The following KAT6B variants were observed in gnomAD, a reference collection of about 807,000 sequenced individuals.
KAT6B encodes lysine acetyltransferase 6B, also known as histone acetyltransferase KAT6B.
KAT6B carries 10 observed loss-of-function variants against 187.5 expected under a neutral mutation model. The ratio of observed to expected loss-of-function variants is 0.05; its 90% confidence interval spans 0.03 to 0.09. The LOEUF is 0.09. Ranked by LOEUF, KAT6B falls within the 10% of genes least tolerant of loss-of-function variation. KAT6B has a pLI of 1.00. For synonymous variants in KAT6B, 861 were observed against 926.8 expected, an observed-to-expected ratio of 0.93 and a Z score of 1.29; for missense variants, 1,952 against 2,558.9, an observed-to-expected ratio of 0.76 and a Z score of 5.12.
In KAT6B at chr10:74,924,377, T is replaced by A. The variant is rs192455132; in HGVS notation, c.622-35593T>A. On this transcript the variant is annotated intron_variant, in intron 3 of 17. Transcript: ENST00000287239. ...AAAATTCCTTCATAAGCAGTTGGCT[T>A]CCAAATAGCAATGCATGCTGTCAGT... Among the ~76,000 whole-genome samples the A allele has an allele frequency of 8.5e-5, 13 of 152,252 alleles. No individual in the cohort carries two copies. The East Asian group carries it at 2.5e-3, about 29-fold the overall frequency.
rs548891234 is a variant in KAT6B at position 74,974,918 on chromosome 10, ACT to A, written c.1062-478_1062-477del. On this transcript the variant is annotated intron_variant, in intron 7 of 17. Coordinates refer to ENST00000287239, the MANE Select transcript of KAT6B (RefSeq NM_012330.4). Reference sequence around the variant, plus strand: ...AGTACAAATTTATAGCCATATCCAAACTCTATTTATATAAGTTTGCAAATTGA... The same window carrying A: ...AGTACAAATTTATAGCCATATCCAAACTATTTATATAAGTTTGCAAATTGA... Among the ~76,000 whole-genome samples, 17 of 152,180 alleles carry A rather than the reference ACT, an allele frequency of 1.1e-4. No homozygotes were observed. The East Asian group carries it at 3.1e-3, about 28-fold the overall frequency.
intron 2 of KAT6B, among the ~76,000 whole-genome samples, chr10:74,842,335 A>G (rs922990462): frequency 2.0e-5 from 3 of 152,222 alleles, no homozygotes; most frequent in Admixed American, 1.3e-4. Context: ...TTCAATAAAT[A>G]TAATTAAATG....
chr10:74,892,497 C>A (rs539161115), intron 3 of KAT6B, among the ~76,000 whole-genome samples: 16 of 152,302 alleles, frequency 1.1e-4, no homozygotes, highest in Admixed American at 8.5e-4. Context: ...TTGTACATTT[C>A]GCACTGATAC....
At chr10:74,963,984 T>C (rs1052441625) in intron 4 of KAT6B, among the ~76,000 whole-genome samples, 4 of 151,150 alleles carry the variant, frequency 2.6e-5, no homozygotes, top group Admixed American at 6.6e-5. Context: ...AAAAAAAAAT[T>C]AGCCGGGCAT....
At chr10:74,957,237 C>T (rs747281355) in intron 3 of KAT6B, among the ~76,000 whole-genome samples, 13 of 152,128 alleles carry the variant, frequency 8.5e-5, no homozygotes, top group South Asian at 2.1e-4. Context: ...CTTGGCTACA[C>T]GGAGGTTAGC....
intron 3 of KAT6B, among the ~76,000 whole-genome samples, chr10:74,855,496 C>G (rs1159904536): frequency 6.6e-6 from 1 of 152,212 alleles, no homozygotes; most frequent in African/African-American, 2.4e-5. Context: ...ATTTGACCAA[C>G]TTGTTTTCAA....
chr10:74,894,880 G>A (rs1398067843), intron 3 of KAT6B, among the ~76,000 whole-genome samples: 1 of 152,008 alleles, frequency 6.6e-6, no homozygotes, highest in African/African-American at 2.4e-5. Flanking sequence ...GTGAACATGG[G>A]TAAGCAAAAA....
chr10:74,996,930 T>C (rs1396471694), intron 13 of KAT6B, among the ~76,000 whole-genome samples: 1 of 152,126 alleles, frequency 6.6e-6, no homozygotes, highest in Non-Finnish European at 1.5e-5. Context: ...AAAGTATTAA[T>C]ATTTAAAGCA....
At chr10:74,927,670 C>G (rs16931846) in intron 3 of KAT6B, among the ~76,000 whole-genome samples, 4,889 of 152,164 alleles carry the variant, frequency 0.032, 202 homozygotes, top group East Asian at 0.17. Context: ...AGGTTTCTCT[C>G]TCATGCTAGC....
chr10:74,859,728 C>G (rs564011636), intron 3 of KAT6B, among the ~76,000 whole-genome samples: 1 of 152,202 alleles, frequency 6.6e-6, no homozygotes, highest in African/African-American at 2.4e-5. Flanking sequence ...AGCTCTGACC[C>G]TCTATAAACC....
At chr10:74,991,841 A>G (rs1177683232) in intron 13 of KAT6B, among the ~76,000 whole-genome samples, 1 of 152,250 alleles carries the variant, frequency 6.6e-6, no homozygotes, top group Non-Finnish European at 1.5e-5. Context: ...TCTTGGCTAT[A>G]AAAGTTTTAA....
At chr10:74,946,938 T>G (rs1428276389) in intron 3 of KAT6B, among the ~76,000 whole-genome samples, 1 of 152,218 alleles carries the variant, frequency 6.6e-6, no homozygotes, top group African/African-American at 2.4e-5. Flanking sequence ...TTAAAGATGG[T>G]TAAAATGGTA....
intron 1 of KAT6B, among the ~76,000 whole-genome samples, chr10:74,835,074 TA>T (rs1262463719): frequency 6.6e-6 from 1 of 152,152 alleles, no homozygotes; most frequent in East Asian, 1.9e-4. Context: ...TATAGTCTAG[TA>T]GGGGTGACAA....
At chr10:74,925,277 C>T (rs1056385122) in intron 3 of KAT6B, among the ~76,000 whole-genome samples, 1 of 151,982 alleles carries the variant, frequency 6.6e-6, no homozygotes, top group African/African-American at 2.4e-5. Context: ...CCTGACCTCA[C>T]GTGATCCGCC....
At chr10:74,993,229 G>C (rs1843221165) in intron 13 of KAT6B, among the ~76,000 whole-genome samples, 1 of 152,094 alleles carries the variant, frequency 6.6e-6, no homozygotes, top group Non-Finnish European at 1.5e-5. Flanking sequence ...TCTGCTGCTG[G>C]GGCTGCCCAG....
intron 3 of KAT6B, among the ~76,000 whole-genome samples, chr10:74,869,778 G>C (rs573812433): frequency 6.6e-6 from 1 of 152,284 alleles, no homozygotes; most frequent in African/African-American, 2.4e-5. Flanking sequence ...GCTTCATGAA[G>C]ACAGGGACCT....
intron 11 of KAT6B, chr10:74,982,768 C>T (rs1316826684): frequency 6.6e-6 from 1 of 152,336 alleles, no homozygotes; most frequent in African/African-American, 2.4e-5. Context: ...CATTGGTGCT[C>T]ATTCCTAGGT....
At chr10:74,863,097 T>C (rs962583986) in intron 3 of KAT6B, among the ~76,000 whole-genome samples, 4 of 152,342 alleles carry the variant, frequency 2.6e-5, no homozygotes, top group Admixed American at 6.5e-5. Context: ...GTACAGACTT[T>C]GAAAAACAGA....
intron 3 of KAT6B, among the ~76,000 whole-genome samples, chr10:74,884,934 A>G (rs529159088): frequency 1.3e-5 from 2 of 152,048 alleles, no homozygotes; most frequent in African/African-American, 4.8e-5. Context: ...GATGATGGAA[A>G]TTTTCTCTAT....
Sources: allele counts gnomAD v4.1 joint callset (sites outside exome capture counted in the v4.1 genomes callset), GRCh38; gene constraint gnomAD v4.1.1; transcripts MANE v1.5; gene names NCBI Gene and HGNC (gene_info 2026-07-23, HGNC 2026-07-21).